STPG2: variants seen among roughly 807,000 people sequenced by gnomAD.
STPG2 encodes the protein sperm-tail PG-rich repeat-containing protein 2.
In STPG2, 56 loss-of-function variants were observed where a neutral mutation model predicts 54.2. The ratio of observed to expected loss-of-function variants is 1.03; its 90% CI spans 0.83 to 1.29. The LOEUF is 1.29. STPG2 is among the 50% of genes most tolerant of loss of function. The pLI is 0.00. For synonymous variants in STPG2, 200 were observed against 181.8 expected (o/e 1.10, Z -0.81); for missense variants, 596 against 544.9 (o/e 1.09, Z -0.93).
chr4:98,064,031 A>G (rs1361426574), intron 5 of STPG2, among the ~76,000 whole-genome samples: 1 of 152,180 alleles, frequency 6.6e-6, no homozygotes, highest in Non-Finnish European at 1.5e-5. Context: ...AAAGATATGG[A>G]AGTTTTTAAA....
chr4:97,615,476 C>A (rs192858031), intron 10 of STPG2, among the ~76,000 whole-genome samples: 2 of 151,946 alleles, frequency 1.3e-5, no homozygotes, highest in Admixed American at 1.3e-4. Flanking sequence ...TTTTTAGAGA[C>A]GAAATCTTGC....
intron 9 of STPG2, among the ~76,000 whole-genome samples, chr4:97,826,284 G>C (rs923555720): frequency 1.3e-5 from 2 of 152,200 alleles, no homozygotes; most frequent in Non-Finnish European, 2.9e-5. Flanking sequence ...ATTATAAGAA[G>C]ACATGGGAAT....
At chr4:97,472,590 A>G (rs1425947814) in intron 4 of STPG2, among the ~76,000 whole-genome samples, 6 of 152,234 alleles carry the variant, frequency 3.9e-5, no homozygotes, top group African/African-American at 1.4e-4. Flanking sequence ...CTTTCAGTAG[A>G]TAAACTAATT....
intron 1 of STPG2, among the ~76,000 whole-genome samples, chr4:98,140,992 C>A (rs1740266174): frequency 6.6e-6 from 1 of 152,048 alleles, no homozygotes; most frequent in Non-Finnish European, 1.5e-5. Context: ...AGAAAAGTAA[C>A]AAGCAAAGGA....
chr4:97,910,238 C>A (rs1210131783), intron 8 of STPG2, among the ~76,000 whole-genome samples: 1 of 152,200 alleles, frequency 6.6e-6, no homozygotes, highest in Non-Finnish European at 1.5e-5. Flanking sequence ...TCATCGAACT[C>A]ATCCTGTACT....
intron 8 of STPG2, among the ~76,000 whole-genome samples, chr4:97,848,778 T>C (rs920377528): frequency 2.6e-5 from 4 of 151,302 alleles, no homozygotes; most frequent in African/African-American, 9.7e-5. Context: ...ATTGCTTGTT[T>C]TTCTCAGGTT....
At chr4:98,141,003 T>C (rs1032311842) in intron 1 of STPG2, among the ~76,000 whole-genome samples, 1 of 152,050 alleles carries the variant, frequency 6.6e-6, no homozygotes. Context: ...AAGCAAAGGA[T>C]TGGAAGTACA....
chr4:97,913,142 T>C (rs59862130), intron 8 of STPG2, among the ~76,000 whole-genome samples: 2,464 of 152,224 alleles, frequency 0.016, 68 homozygotes, highest in African/African-American at 0.056. Context: ...AAATTCAGAG[T>C]TGTGACAGAG....
chr4:97,514,885 T>C (rs1731043459), intron 4 of STPG2, among the ~76,000 whole-genome samples: 1 of 152,088 alleles, frequency 6.6e-6, no homozygotes, highest in Admixed American at 6.6e-5. Context: ...TGGTATATCT[T>C]ATCTAAAAGT....
intron 4 of STPG2, among the ~76,000 whole-genome samples, chr4:97,443,513 G>A (rs1322321635): frequency 6.6e-6 from 1 of 152,046 alleles, no homozygotes; most frequent in East Asian, 1.9e-4. Context: ...TTCCCAGGAT[G>A]GAAGAAGAAA....
At chr4:97,497,702 A>C (rs1417059510) in intron 4 of STPG2, among the ~76,000 whole-genome samples, 1 of 151,908 alleles carries the variant, frequency 6.6e-6, no homozygotes, top group African/African-American at 2.4e-5. Context: ...GTAAGTGTTC[A>C]TTCCATTATT....
intron 9 of STPG2, among the ~76,000 whole-genome samples, chr4:97,792,410 C>T (rs753814113): frequency 3.0e-4 from 46 of 152,072 alleles, no homozygotes; most frequent in Non-Finnish European, 6.0e-4. Flanking sequence ...GCATATACTC[C>T]GTGCTTTACC....
intron 4 of STPG2, among the ~76,000 whole-genome samples, chr4:97,503,662 CCTT>C (rs776577105): frequency 1.2e-3 from 182 of 150,676 alleles, no homozygotes; most frequent in Non-Finnish European, 2.0e-3. Flanking sequence ...GCAAATATCT[CCTT>C]ATGTTTAAAT....
At chr4:97,873,039 T>C (rs545995993) in intron 8 of STPG2, among the ~76,000 whole-genome samples, 1 of 151,426 alleles carries the variant, frequency 6.6e-6, no homozygotes, top group South Asian at 2.1e-4. Context: ...CTGGGACCCT[T>C]TCAGCACACA....
intron 4 of STPG2, among the ~76,000 whole-genome samples, chr4:97,444,908 G>A (rs1729180857): frequency 6.6e-6 from 1 of 152,018 alleles, no homozygotes; most frequent in Admixed American, 6.6e-5. Context: ...ATGGTAGCAG[G>A]CGCCTGTGGT....
chr4:97,982,377 T>TACACACACACACAC (rs59489663), intron 5 of STPG2, among the ~76,000 whole-genome samples: 9 of 143,538 alleles, frequency 6.3e-5, no homozygotes, highest in African/African-American at 2.3e-4. Flanking sequence ...TCTCTTACTC[T>TACACACACACACAC]ACACACACAC....
At chr4:97,736,381 G>A (rs965378774) in intron 9 of STPG2, among the ~76,000 whole-genome samples, 6 of 152,164 alleles carry the variant, frequency 3.9e-5, no homozygotes, top group African/African-American at 7.2e-5. Flanking sequence ...GCAGCACACC[G>A]TGCGCGAGTC....
chr4:97,931,567 T>C (rs1222486854), intron 8 of STPG2, among the ~76,000 whole-genome samples: 4 of 152,240 alleles, frequency 2.6e-5, no homozygotes, highest in Non-Finnish European at 5.9e-5. Flanking sequence ...TTAGATATGC[T>C]GCTGGATTCA....
intron 10 of STPG2, among the ~76,000 whole-genome samples, chr4:97,586,195 G>T (rs952512076): frequency 6.6e-6 from 1 of 151,792 alleles, no homozygotes; most frequent in Non-Finnish European, 1.5e-5. Context: ...AAACTCCCTG[G>T]ATGGACACAA....
Sources: gnomAD v4.1 joint callset for allele counts (sites outside exome capture counted in the v4.1 genomes callset) on GRCh38, gnomAD v4.1.1 for gene constraint, MANE v1.5 for transcripts, NCBI Gene and HGNC (gene_info 2026-07-23, HGNC 2026-07-21) for gene names.